PPFIA2: variants seen among roughly 807,000 people sequenced by gnomAD.
PPFIA2 encodes liprin-alpha-2.
PPFIA2 carries 46 observed loss-of-function variants against 175.5 expected under a neutral mutation model. The ratio of observed to expected loss-of-function variants is 0.26; its 90% CI spans 0.21 to 0.34. The LOEUF (loss-of-function observed/expected upper bound fraction) is 0.34, where lower values mean the gene tolerates loss of function less well. Among genes scored for constraint, PPFIA2 ranks in the 10% least tolerant of loss-of-function variants. The probability of loss-of-function intolerance (pLI) is 1.00; values close to 1 mark genes in which losing one functional copy is unlikely to be tolerated. For missense variants in PPFIA2, 1,179 were observed against 1,506.1 expected (o/e 0.78, Z 3.60); for synonymous variants, 568 against 511.4 (o/e 1.11, Z -1.49).
chr12:81,665,828 A>G (rs1596195867), intron 4 of PPFIA2, among the ~76,000 whole-genome samples: 1 of 152,188 alleles, frequency 6.6e-6, no homozygotes, highest in East Asian at 1.9e-4. Flanking sequence ...TGAACAGGCA[A>G]CCTACAGAAT....
At chr12:81,419,973 G>T (rs1451033216) in intron 7 of PPFIA2, among the ~76,000 whole-genome samples, 1 of 152,120 alleles carries the variant, frequency 6.6e-6, no homozygotes, top group Non-Finnish European at 1.5e-5. Context: ...TTTCATGACT[G>T]GGGACCCTGC....
At chr12:81,533,821 G>A (rs1340579333) in intron 4 of PPFIA2, among the ~76,000 whole-genome samples, 1 of 149,492 alleles carries the variant, frequency 6.7e-6, no homozygotes, top group Admixed American at 6.7e-5. Flanking sequence ...GAATTATCAG[G>A]ATATATATAT....
At chr12:81,388,653 T>C (rs979564895) in intron 8 of PPFIA2, among the ~76,000 whole-genome samples, 38 of 152,104 alleles carry the variant, frequency 2.5e-4, no homozygotes, top group Admixed American at 2.5e-3. Flanking sequence ...TGTACATTAA[T>C]ACATTTGCTT....
chr12:81,578,375 T>C (rs947455568), intron 4 of PPFIA2, among the ~76,000 whole-genome samples: 20 of 151,734 alleles, frequency 1.3e-4, no homozygotes, highest in Admixed American at 1.1e-3. Flanking sequence ...ATCATCATCA[T>C]CACCATCACC....
chr12:81,473,442 CA>C (rs1445782364), intron 4 of PPFIA2, among the ~76,000 whole-genome samples: 4 of 152,038 alleles, frequency 2.6e-5, no homozygotes, highest in Non-Finnish European at 5.9e-5. Flanking sequence ...ATATTGGTAG[CA>C]AAATATATAA....
intron 4 of PPFIA2, among the ~76,000 whole-genome samples, chr12:81,638,245 T>C (rs1183368642): frequency 1.3e-5 from 2 of 152,150 alleles, no homozygotes; most frequent in Admixed American, 1.3e-4. Context: ...GACTTGAAAA[T>C]CTACTCAAGA....
intron 4 of PPFIA2, among the ~76,000 whole-genome samples, chr12:81,665,464 G>T (rs2069995179): frequency 6.6e-6 from 1 of 151,824 alleles, no homozygotes; most frequent in Non-Finnish European, 1.5e-5. Flanking sequence ...CTATTTCTTT[G>T]CTCACTTCTA....
chr12:81,481,605 T>A (rs1464448856), intron 4 of PPFIA2, among the ~76,000 whole-genome samples: 2 of 152,108 alleles, frequency 1.3e-5, no homozygotes, highest in Admixed American at 6.6e-5. Flanking sequence ...CACTATCTGA[T>A]CTTTGACAAA....
At chr12:81,404,411 A>G (rs2042568105) in intron 8 of PPFIA2, among the ~76,000 whole-genome samples, 1 of 152,198 alleles carries the variant, frequency 6.6e-6, no homozygotes, top group Admixed American at 6.5e-5. Flanking sequence ...TAATGACATA[A>G]TTAAAATGAA....
chr12:81,694,846 T>A (rs1452317927), intron 3 of PPFIA2, among the ~76,000 whole-genome samples: 1 of 152,134 alleles, frequency 6.6e-6, no homozygotes, highest in Non-Finnish European at 1.5e-5. Context: ...GAAGTGGAGC[T>A]TTCCAAGGCC....
intron 4 of PPFIA2, among the ~76,000 whole-genome samples, chr12:81,596,189 A>G (rs1345331760): frequency 6.6e-6 from 1 of 152,100 alleles, no homozygotes; most frequent in South Asian, 2.1e-4. Flanking sequence ...ATCATTCAGT[A>G]TAATTGTAAT....
intron 7 of PPFIA2, among the ~76,000 whole-genome samples, chr12:81,428,226 T>TA (rs932050209): frequency 3.9e-4 from 59 of 150,838 alleles, no homozygotes; most frequent in African/African-American, 1.2e-3. Context: ...CTACCACAAA[T>TA]AAAAAAAAAC....
intron 3 of PPFIA2, among the ~76,000 whole-genome samples, chr12:81,735,142 T>A (rs2081406094): frequency 6.6e-6 from 1 of 151,856 alleles, no homozygotes; most frequent in Non-Finnish European, 1.5e-5. Flanking sequence ...TTCATTTCCC[T>A]TGGTTAGATT....
chr12:81,351,741 A>G (rs1351160202), intron 17 of PPFIA2, among the ~76,000 whole-genome samples: 1 of 149,446 alleles, frequency 6.7e-6, no homozygotes. Flanking sequence ...AAAAAATTAA[A>G]AAAAAAAAAA....
chr12:81,623,138 A>G (rs1471603242), intron 4 of PPFIA2, among the ~76,000 whole-genome samples: 2 of 152,102 alleles, frequency 1.3e-5, no homozygotes, highest in Non-Finnish European at 1.5e-5. Context: ...TGAATCTACA[A>G]TGATATCTGA....
chr12:81,612,052 T>C (rs1453187545), intron 4 of PPFIA2, among the ~76,000 whole-genome samples: 1 of 152,056 alleles, frequency 6.6e-6, no homozygotes, highest in Non-Finnish European at 1.5e-5. Context: ...CACATCTCCA[T>C]CCACTATCAG....
At chr12:81,699,444 A>G (rs770447706) in intron 3 of PPFIA2, among the ~76,000 whole-genome samples, 6 of 151,818 alleles carry the variant, frequency 4.0e-5, no homozygotes, top group Non-Finnish European at 8.8e-5. Context: ...TAAAAATTTT[A>G]TGTAACCAAA....
chr12:81,294,463 A>AAGGAAGAAAGGAAGGG (rs2045937977), intron 24 of PPFIA2: 1 of 179,736 alleles, frequency 5.6e-6, no homozygotes, highest in Non-Finnish European at 1.1e-5. Flanking sequence ...GGAAGGAAGG[A>AAGGAAGAAAGGAAGGG]AGGAAGGAAG....
intron 27 of PPFIA2, among the ~76,000 whole-genome samples, chr12:81,279,759 C>T (rs372942189): frequency 1.3e-3 from 201 of 151,786 alleles, no homozygotes; most frequent in Admixed American, 4.0e-3. Context: ...ACGGAAAAAC[C>T]GGACCCCAAA....
Sources: allele counts gnomAD v4.1 joint callset (sites outside exome capture counted in the v4.1 genomes callset), GRCh38; gene constraint gnomAD v4.1.1; transcripts MANE v1.5; gene names NCBI Gene and HGNC (gene_info 2026-07-23, HGNC 2026-07-21).